ZMAT4: variants seen among roughly 807,000 people sequenced by gnomAD.
ZMAT4 encodes zinc finger matrin-type 4.
Under a neutral mutation model 28.7 loss-of-function variants are expected in ZMAT4, and 17 were observed. The observed-to-expected ratio is 0.59, with a 90% CI of 0.41 to 0.89. ZMAT4 has a LOEUF of 0.89. Among genes scored for constraint, ZMAT4 ranks in the 40% least tolerant of loss-of-function variants. ZMAT4 has a pLI of 0.00. For synonymous variants in ZMAT4, 117 were observed against 109.2 expected (o/e 1.07, Z -0.44); for missense variants, 240 against 283.8 (o/e 0.85, Z 1.11).
chr8:40,894,899 T>C (rs1653441999), intron 1 of ZMAT4, among the ~76,000 whole-genome samples: 2 of 152,354 alleles, frequency 1.3e-5, no homozygotes, highest in Admixed American at 6.5e-5. Flanking sequence ...GGCTCTTCTC[T>C]GATAAAAATT....
intron 3 of ZMAT4, among the ~76,000 whole-genome samples, chr8:40,720,212 A>C (rs1008967642): frequency 1.3e-5 from 2 of 152,228 alleles, no homozygotes; most frequent in African/African-American, 2.4e-5. Context: ...AAGCAATTCC[A>C]TTCAGGTGAT....
At chr8:40,692,311 G>C (rs1451219075) in intron 4 of ZMAT4, among the ~76,000 whole-genome samples, 1 of 152,150 alleles carries the variant, frequency 6.6e-6, no homozygotes, top group Non-Finnish European at 1.5e-5. Flanking sequence ...TAAATTTGAT[G>C]TCATTACCTG....
At chr8:40,876,469 T>C (rs951680771) in intron 1 of ZMAT4, among the ~76,000 whole-genome samples, 3 of 151,870 alleles carry the variant, frequency 2.0e-5, no homozygotes, top group Non-Finnish European at 4.4e-5. Flanking sequence ...GGCGCCACCA[T>C]GCCTGGATAC....
intron 4 of ZMAT4, among the ~76,000 whole-genome samples, chr8:40,684,041 C>T (rs539843752): frequency 2.0e-5 from 3 of 151,756 alleles, no homozygotes; most frequent in Admixed American, 2.0e-4. Context: ...GCATTCTAGC[C>T]TGGGACCAGA....
chr8:40,649,537 A>C (rs1456960499), intron 5 of ZMAT4, among the ~76,000 whole-genome samples: 2 of 152,174 alleles, frequency 1.3e-5, no homozygotes, highest in African/African-American at 4.8e-5. Flanking sequence ...GTCAACAAGG[A>C]TACCGAGGAA....
chr8:40,782,351 A>G (rs1813872218), intron 2 of ZMAT4, among the ~76,000 whole-genome samples: 1 of 152,178 alleles, frequency 6.6e-6, no homozygotes, highest in South Asian at 2.1e-4. Context: ...ATGCCACTGC[A>G]TTCCAGCCTG....
chr8:40,751,939 C>A (rs956110049), intron 3 of ZMAT4, among the ~76,000 whole-genome samples: 7 of 152,110 alleles, frequency 4.6e-5, no homozygotes, highest in African/African-American at 1.7e-4. Context: ...AGGGAAGACC[C>A]CTGTCCTCCT....
chr8:40,592,035 T>C (rs1374265461), intron 5 of ZMAT4, among the ~76,000 whole-genome samples: 2 of 152,178 alleles, frequency 1.3e-5, no homozygotes, highest in Non-Finnish European at 2.9e-5. Flanking sequence ...GTTTGTTTGT[T>C]TTAAAACACC....
intron 3 of ZMAT4, among the ~76,000 whole-genome samples, chr8:40,749,826 C>A (rs1812384954): frequency 6.6e-6 from 1 of 152,182 alleles, no homozygotes; most frequent in Non-Finnish European, 1.5e-5. Flanking sequence ...CACTTTTGAT[C>A]TTATCTCTAC....
intron 5 of ZMAT4, among the ~76,000 whole-genome samples, chr8:40,626,811 G>C (rs371106365): frequency 9.4e-4 from 143 of 152,268 alleles, no homozygotes; most frequent in Non-Finnish European, 1.8e-3. Context: ...AGCTGGGGAG[G>C]GGGGCTGGAG....
rs777614195 is a variant in ZMAT4, at chr8:40,674,978, C to T, written c.350-47G>A. On this transcript the variant is annotated intron_variant, in intron 4 of 6. Transcript: ENST00000297737. ...GAACCACAGCCACGTTAGTCCAACA[C>T]TGAGTCCACTCTTCCTCAATACCCG... The T allele has an allele frequency of 2.7e-6, 4 of 1,456,100 alleles. No individual in the cohort carries two copies. The South Asian group carries it at 3.5e-5, about 13-fold the overall frequency. 90.2% of individuals were successfully genotyped at this position (1,456,100 alleles called of 1,614,324 possible). A position where few individuals can be genotyped will look rare whatever the true frequency, so the allele number is the denominator to read the frequency against.
chr8:40,650,921 G>A (rs1407322866), intron 5 of ZMAT4, among the ~76,000 whole-genome samples: 22 of 151,754 alleles, frequency 1.4e-4, no homozygotes, highest in African/African-American at 4.4e-4. Flanking sequence ...TTGATGGGAC[G>A]TATCTCAAAA....
At chr8:40,827,189 C>T (rs2150614156) in intron 1 of ZMAT4, among the ~76,000 whole-genome samples, 1 of 152,246 alleles carries the variant, frequency 6.6e-6, no homozygotes, top group African/African-American at 2.4e-5. Context: ...TTGGATGAGT[C>T]ACTCAATGCT....
At chr8:40,737,374 G>C (rs530630483) in intron 3 of ZMAT4, among the ~76,000 whole-genome samples, 1 of 152,126 alleles carries the variant, frequency 6.6e-6, no homozygotes, top group Admixed American at 6.5e-5. Flanking sequence ...AGATCTCTGG[G>C]TGGGTCAGAA....
intron 6 of ZMAT4, among the ~76,000 whole-genome samples, chr8:40,549,115 C>T (rs1803290240): frequency 6.6e-6 from 1 of 152,112 alleles, no homozygotes; most frequent in Non-Finnish European, 1.5e-5. Context: ...CCTTTTGCCC[C>T]TTCTGCCATG....
At chr8:40,729,759 C>G (rs1050836458) in intron 3 of ZMAT4, among the ~76,000 whole-genome samples, 1 of 152,038 alleles carries the variant, frequency 6.6e-6, no homozygotes, top group Non-Finnish European at 1.5e-5. Flanking sequence ...CCACCACACC[C>G]AGCTAATCTT....
chr8:40,774,934 C>A (rs1428770854), intron 2 of ZMAT4, among the ~76,000 whole-genome samples: 1 of 152,062 alleles, frequency 6.6e-6, no homozygotes, highest in Non-Finnish European at 1.5e-5. Flanking sequence ...TTTAAAGATT[C>A]ATTCTAACAC....
intron 6 of ZMAT4, among the ~76,000 whole-genome samples, chr8:40,580,534 A>G (rs1804428525): frequency 6.6e-6 from 1 of 152,186 alleles, no homozygotes; most frequent in Non-Finnish European, 1.5e-5. Context: ...TTAGCATTTT[A>G]TTAACAGTCC....
intron 5 of ZMAT4, among the ~76,000 whole-genome samples, chr8:40,657,524 C>A (rs889329369): frequency 4.6e-5 from 7 of 151,714 alleles, no homozygotes; most frequent in Non-Finnish European, 8.8e-5. Context: ...AATGAGAAAT[C>A]AGTTATCATT....
Sources: allele counts gnomAD v4.1 joint callset (sites outside exome capture counted in the v4.1 genomes callset), GRCh38; gene constraint gnomAD v4.1.1; transcripts MANE v1.5; gene names NCBI Gene and HGNC (gene_info 2026-07-23, HGNC 2026-07-21).